Variants in OR2L13 observed in about 807,000 individuals in gnomAD.
OR2L13 encodes the protein olfactory receptor family 2 subfamily L member 13.
In OR2L13, 14 loss-of-function variants were observed where a neutral mutation model predicts 15.3. The observed-to-expected ratio is 0.91, with a 90% CI of 0.60 to 1.43. OR2L13 has a LOEUF of 1.43. Ranked by LOEUF, OR2L13 falls within the 40% of genes most tolerant of loss-of-function variation. OR2L13 has a pLI of 0.00. For synonymous variants in OR2L13, 152 were observed against 142.9 expected (o/e 1.06, Z -0.45); for missense variants, 367 against 387.9 (o/e 0.95, Z 0.45).
the OR2L13 span, among the ~76,000 whole-genome samples, chr1:247,963,614 A>T: frequency 2.6e-3 from 398 of 152,216 alleles, 1 homozygote; most frequent in Admixed American, 8.1e-3. Context: ...CCTTTTTCTT[A>T]TGTCTATGTT....
At chr1:247,951,994 C>T in the OR2L13 span, among the ~76,000 whole-genome samples, 8 of 149,122 alleles carry the variant, frequency 5.4e-5, no homozygotes, top group African/African-American at 1.8e-4. Flanking sequence ...TGTGTGTGTG[C>T]GCGCGTGCGC....
the OR2L13 span, among the ~76,000 whole-genome samples, chr1:248,086,654 A>T: frequency 6.6e-6 from 1 of 152,068 alleles, no homozygotes; most frequent in African/African-American, 2.4e-5. Flanking sequence ...TGGAATATTT[A>T]TCTCTCATTT....
At chr1:248,073,888 A>G in the OR2L13 span, among the ~76,000 whole-genome samples, 1 of 151,962 alleles carries the variant, frequency 6.6e-6, no homozygotes, top group African/African-American at 2.4e-5. Flanking sequence ...TAAAGCTCTA[A>G]AAAAGTAAGA....
At chr1:248,075,776 G>T in the OR2L13 span, among the ~76,000 whole-genome samples, 2,080 of 152,240 alleles carry the variant, frequency 0.014, 23 homozygotes, top group Non-Finnish European at 0.019. Flanking sequence ...TGGGTAGATT[G>T]CAAAAATTTT....
chr1:247,961,027 C>T, the OR2L13 span, among the ~76,000 whole-genome samples: 4 of 152,162 alleles, frequency 2.6e-5, no homozygotes, highest in Non-Finnish European at 4.4e-5. Flanking sequence ...TCTTCTGCGT[C>T]GCTCACGCTG....
At chr1:248,027,387 C>T in the OR2L13 span, among the ~76,000 whole-genome samples, 1 of 152,184 alleles carries the variant, frequency 6.6e-6, no homozygotes, top group South Asian at 2.1e-4. Context: ...TCTCGCCCTG[C>T]CTCCATTTGC....
the OR2L13 span, chr1:248,040,958 T>A: frequency 6.6e-6 from 1 of 152,224 alleles, no homozygotes; most frequent in African/African-American, 2.4e-5. Flanking sequence ...GAGTACTGAA[T>A]AATTTAAATT....
chr1:247,989,967 A>T, the OR2L13 span, among the ~76,000 whole-genome samples: 1 of 152,176 alleles, frequency 6.6e-6, no homozygotes, highest in East Asian at 1.9e-4. Flanking sequence ...ACACCGTTCA[A>T]TAAGATATTT....
chr1:248,027,226 A>G, the OR2L13 span, among the ~76,000 whole-genome samples: 1 of 152,216 alleles, frequency 6.6e-6, no homozygotes, highest in South Asian at 2.1e-4. Context: ...TCCCAGGCTT[A>G]TTAGGACAAG....
the OR2L13 span, among the ~76,000 whole-genome samples, chr1:248,007,310 G>T: frequency 1.1e-3 from 175 of 152,246 alleles, no homozygotes; most frequent in Admixed American, 0.01. Context: ...AGATAAAGAG[G>T]TCATCAGTGA....
At chr1:248,009,321 T>TA in the OR2L13 span, among the ~76,000 whole-genome samples, 1 of 151,516 alleles carries the variant, frequency 6.6e-6, no homozygotes. Context: ...ATAGACACAA[T>TA]AAAAAATGAT....
At chr1:247,938,466 A>G in the OR2L13 span, among the ~76,000 whole-genome samples, 24 of 152,304 alleles carry the variant, frequency 1.6e-4, no homozygotes, top group East Asian at 4.6e-3. Flanking sequence ...ATTCTGCTGA[A>G]CAGATCTGAG....
At chr1:247,974,790 T>A in the OR2L13 span, 1 of 233,680 alleles carries the variant, frequency 4.3e-6, no homozygotes, top group African/African-American at 2.3e-5. Flanking sequence ...ATTGGGGATC[T>A]TCCCACCATC....
At chr1:248,051,873 G>T in the OR2L13 span, among the ~76,000 whole-genome samples, 1 of 152,008 alleles carries the variant, frequency 6.6e-6, no homozygotes, top group Non-Finnish European at 1.5e-5. Context: ...AATGCAGATG[G>T]TTCCAGGTTT....
At chr1:247,972,844 T>C in the OR2L13 span, among the ~76,000 whole-genome samples, 1 of 152,126 alleles carries the variant, frequency 6.6e-6, no homozygotes, top group Non-Finnish European at 1.5e-5. Flanking sequence ...TTCAAGCCAA[T>C]ATCCCCAATG....
chr1:248,039,466 G>A, the OR2L13 span: 1 of 271,840 alleles, frequency 3.7e-6, no homozygotes, highest in Non-Finnish European at 7.1e-6. Flanking sequence ...TGTTGCCCAG[G>A]CTCTAATGCA....
chr1:247,974,442 T>G, the OR2L13 span, among the ~76,000 whole-genome samples: 1 of 151,634 alleles, frequency 6.6e-6, no homozygotes, highest in Non-Finnish European at 1.5e-5. Context: ...AAAAAAAAAG[T>G]TATTTTGACA....
the OR2L13 span, chr1:248,038,606 C>A: frequency 1.9e-6 from 3 of 1,614,114 alleles, no homozygotes; most frequent in Non-Finnish European, 2.5e-6. Context: ...AAGGGCTGCT[C>A]CTGACATCAA....
the OR2L13 span, among the ~76,000 whole-genome samples, chr1:247,964,617 A>G: frequency 6.6e-6 from 1 of 151,770 alleles, no homozygotes; most frequent in Non-Finnish European, 1.5e-5. Context: ...AATATTTAAT[A>G]CTCTATTTTA....
Sources: gnomAD v4.1 joint callset for allele counts (sites outside exome capture counted in the v4.1 genomes callset) on GRCh38, gnomAD v4.1.1 for gene constraint, MANE v1.5 for transcripts, NCBI Gene and HGNC (gene_info 2026-07-23, HGNC 2026-07-21) for gene names.